The following ABCC9 variants were observed in gnomAD, a reference collection of about 807,000 sequenced individuals.
ABCC9 encodes the protein ATP binding cassette subfamily C member 9, also known as ATP-binding cassette sub-family C member 9.
Under a neutral mutation model 188.3 loss-of-function variants are expected in ABCC9, and 95 were observed. The observed-to-expected ratio is 0.50, with a 90% confidence interval of 0.43 to 0.60. The LOEUF is 0.60. Among genes scored for constraint, ABCC9 ranks in the 20% least tolerant of loss-of-function variants. The pLI, the probability that ABCC9 is intolerant of heterozygous loss-of-function variation, is 0.00. For missense variants in ABCC9, 1,102 were observed against 1,876.3 expected (o/e 0.59, Z 7.62); for synonymous variants, 659 against 652.7 (o/e 1.01, Z -0.15).
Position 21,906,168 on chromosome 12 carries a change from G to A in ABCC9, c.1576C>T (p.Leu526=). 2 of 1,613,220 alleles carry A rather than the reference G, an allele frequency of 1.2e-6. No individual in the cohort carries two copies. Among genetic ancestry groups the A allele is most frequent in the Non-Finnish European group, 1.7e-6 (2 of 1,179,368 alleles). The change falls in exon 12 of 40, where the codon CTA becomes TTA. Residue 526 remains leucine, a synonymous_variant. Transcript: ENST00000261200. ...KSVEETRMKE[L]SSLKTFALYT... is the part of the protein sequence containing the mutation. ...AGTGCAAAGGTTTTGAGACTAGATA[G>A]TTCTTTCATTCTTGTTTCCTCCACA...
chr12:21,878,680 T>C (rs1946484252), intron 16 of ABCC9, among the ~76,000 whole-genome samples: 1 of 152,160 alleles, frequency 6.6e-6, no homozygotes, highest in South Asian at 2.1e-4. Flanking sequence ...GAAAATACCA[T>C]AGCTTTATGA....
At chr12:21,858,173 G>A (rs1398421708) in intron 22 of ABCC9, among the ~76,000 whole-genome samples, 2 of 152,098 alleles carry the variant, frequency 1.3e-5, no homozygotes, top group Non-Finnish European at 2.9e-5. Context: ...CACACCCAGG[G>A]GACCTCAGTC....
At chr12:21,884,782 T>TACAGAG (rs3062611) in intron 15 of ABCC9, among the ~76,000 whole-genome samples, 1 of 152,042 alleles carries the variant, frequency 6.6e-6, no homozygotes, top group Non-Finnish European at 1.5e-5. Flanking sequence ...TATTTTGACT[T>TACAGAG]AGAGAGGAGG....
intron 12 of ABCC9, among the ~76,000 whole-genome samples, chr12:21,896,868 C>A (rs571233440): frequency 6.6e-6 from 1 of 152,310 alleles, no homozygotes; most frequent in East Asian, 1.9e-4. Context: ...GTGAATAGTG[C>A]TGCAATAAAC....
At chr12:21,895,338 T>G in intron 12 of ABCC9, 23 bp from the exon 13 acceptor site, 1 of 1,603,984 alleles carries the variant, frequency 6.2e-7, no homozygotes, top group Non-Finnish European at 8.5e-7. Context: ...ATAAAATGCA[T>G]TAGTTTCATT....
At chr12:21,935,751 A>G (rs1949459650) in intron 3 of ABCC9, among the ~76,000 whole-genome samples, 1 of 152,074 alleles carries the variant, frequency 6.6e-6, no homozygotes, top group Non-Finnish European at 1.5e-5. Context: ...TATTCTTTAG[A>G]TGAGCGTTGG....
intron 4 of ABCC9, among the ~76,000 whole-genome samples, chr12:21,931,583 A>G (rs1012172137): frequency 5.3e-5 from 8 of 152,116 alleles, no homozygotes; most frequent in Non-Finnish European, 1.2e-4. Context: ...ATATATCATT[A>G]TTATTGTGAG....
intron 31 of ABCC9, among the ~76,000 whole-genome samples, chr12:21,826,751 CAAAG>C (rs990258617): frequency 5.3e-5 from 8 of 152,184 alleles, no homozygotes; most frequent in African/African-American, 1.9e-4. Context: ...AAAGCATACA[CAAAG>C]GACCTTGAAC....
rs1944442605 is a variant in ABCC9, at chr12:21,842,474, A to G, written c.3316-3T>C. On this transcript the variant is annotated splice_polypyrimidine_tract_variant and splice_region_variant and intron_variant, in intron 28 of 39. Transcript: ENST00000261200. ...GATTCCAAGGTTGGAGGGATGTGCT[A>G]TTAGGGTAGTTTAAAAGGAAAATAT... 3 of 1,613,922 alleles carry G rather than the reference A, an allele frequency of 1.9e-6. No homozygotes were observed. The highest frequency in any genetic ancestry group is 2.5e-6 in the Non-Finnish European group (3 of 1,179,824).
At chr12:21,885,864 A>G (rs1946853165) in intron 15 of ABCC9, among the ~76,000 whole-genome samples, 1 of 152,196 alleles carries the variant, frequency 6.6e-6, no homozygotes. Flanking sequence ...TGCCTTTTTT[A>G]GCAGTTTTAA....
chr12:21,939,054 A>G (rs904519702), intron 2 of ABCC9, among the ~76,000 whole-genome samples: 1 of 152,234 alleles, frequency 6.6e-6, no homozygotes, highest in Non-Finnish European at 1.5e-5. Flanking sequence ...ATCAGATTAC[A>G]GTAGTCTCAG....
chr12:21,843,114 TTC>T (rs1349391831), intron 28 of ABCC9, among the ~76,000 whole-genome samples: 1 of 152,178 alleles, frequency 6.6e-6, no homozygotes, highest in Non-Finnish European at 1.5e-5. Context: ...TCCTTATTGT[TTC>T]TGAGTTCTTT....
intron 15 of ABCC9, among the ~76,000 whole-genome samples, chr12:21,887,562 G>T (rs1339451445): frequency 3.3e-5 from 5 of 152,070 alleles, no homozygotes; most frequent in Admixed American, 3.3e-4. Context: ...ATATACATTT[G>T]GAGTAAGCAA....
rs1299817398 is a variant in ABCC9 at position 21,799,258 on chromosome 12, T to G, written c.*1786A>C. Reference sequence around the variant, plus strand: ...AACTTAAAGTATATTAAAAAAAAAATTAAAAAAAAAAAAGAAAAAAAAAAG... The same window carrying G: ...AACTTAAAGTATATTAAAAAAAAAAGTAAAAAAAAAAAAGAAAAAAAAAAG... On this transcript the variant is annotated 3_prime_UTR_variant, in exon 40 of 40. Coordinates refer to ENST00000261200, the MANE Select transcript of ABCC9 (RefSeq NM_020297.4). 7.1e-6 allele frequency: 1 copy of G among 140,878 alleles called. No individual in the cohort carries two copies. Among genetic ancestry groups the G allele is most frequent in the Admixed American group, 7.0e-5 (1 of 14,278 alleles). The allele number at this position is 140,878 out of a possible 1,614,324, so 8.7% of individuals were successfully genotyped here.
intron 31 of ABCC9, among the ~76,000 whole-genome samples, chr12:21,826,005 A>G (rs796664670): frequency 4.6e-5 from 7 of 152,218 alleles, no homozygotes; most frequent in African/African-American, 1.7e-4. Context: ...TCCCATTTCC[A>G]TTATGGCTCT....
At chr12:21,867,769 G>C (rs1320959865) in intron 18 of ABCC9, among the ~76,000 whole-genome samples, 1 of 149,492 alleles carries the variant, frequency 6.7e-6, no homozygotes, top group Non-Finnish European at 1.5e-5. Flanking sequence ...AGAATGTCAG[G>C]ACAGAAGGGG....
intron 18 of ABCC9, among the ~76,000 whole-genome samples, chr12:21,871,840 AC>A (rs1338165282): frequency 6.6e-6 from 1 of 151,958 alleles, no homozygotes; most frequent in Non-Finnish European, 1.5e-5. Context: ...CAAAAATCAC[AC>A]CCGTTTGAGA....
intron 31 of ABCC9, among the ~76,000 whole-genome samples, chr12:21,823,045 C>T (rs913964929): frequency 6.6e-6 from 1 of 152,182 alleles, no homozygotes; most frequent in East Asian, 1.9e-4. Flanking sequence ...TAGCCTTACA[C>T]ATCCTAAGCA....
chr12:21,895,238 T>G (rs377657093), intron 13 of ABCC9, 37 bp downstream of exon 13: 23 of 1,574,974 alleles, frequency 1.5e-5, no homozygotes, highest in Non-Finnish European at 2.0e-5. Flanking sequence ...AAACACTGAC[T>G]TGGTTTCATT....
Sources: allele counts gnomAD v4.1 joint callset (sites outside exome capture counted in the v4.1 genomes callset), GRCh38; gene constraint gnomAD v4.1.1; transcripts MANE v1.5; gene names NCBI Gene and HGNC (gene_info 2026-07-23, HGNC 2026-07-21).